The following CNBD1 variants were observed in gnomAD, a reference collection of about 807,000 sequenced individuals.
The protein encoded by CNBD1 is cyclic nucleotide-binding domain-containing protein 1.
CNBD1 carries 71 observed loss-of-function variants against 54.4 expected under a neutral mutation model. The ratio of observed to expected loss-of-function variants is 1.30; its 90% CI spans 1.08 to 1.59. CNBD1 has a LOEUF of 1.59. Among genes scored for constraint, CNBD1 ranks in the 40% most tolerant of loss-of-function variants. The pLI, the probability that CNBD1 is intolerant of heterozygous loss-of-function variation, is 0.00. For synonymous variants in CNBD1, 182 were observed against 170.7 expected, an observed-to-expected ratio of 1.07 and a Z score of -0.51; for missense variants, 659 against 518.0, an observed-to-expected ratio of 1.27 and a Z score of -2.64.
intron 6 of CNBD1, among the ~76,000 whole-genome samples, chr8:87,241,649 G>C (rs1252203075): frequency 1.3e-5 from 2 of 152,084 alleles, no homozygotes; most frequent in Non-Finnish European, 2.9e-5. Flanking sequence ...AATAATTATA[G>C]GTTCACTGCT....
intron 4 of CNBD1, among the ~76,000 whole-genome samples, chr8:87,139,815 G>A (rs6468688): frequency 0.38 from 57,430 of 151,930 alleles, 12,163 homozygotes; most frequent in Non-Finnish European, 0.47. Context: ...GACACTGAAT[G>A]TCAAAGCTTC....
chr8:86,872,168 G>C (rs1808451872), intron 1 of CNBD1, among the ~76,000 whole-genome samples: 1 of 152,088 alleles, frequency 6.6e-6, no homozygotes, highest in East Asian at 1.9e-4. Flanking sequence ...ATGCTGACAG[G>C]AAAAATATTC....
chr8:86,988,345 T>C (rs1177919174), intron 4 of CNBD1, among the ~76,000 whole-genome samples: 1 of 152,066 alleles, frequency 6.6e-6, no homozygotes, highest in Non-Finnish European at 1.5e-5. Context: ...GGATCAGTTA[T>C]AATGTCACTT....
intron 6 of CNBD1, among the ~76,000 whole-genome samples, chr8:87,263,459 G>C (rs1241215023): frequency 6.6e-6 from 1 of 152,110 alleles, no homozygotes; most frequent in Non-Finnish European, 1.5e-5. Context: ...GTTCCTTAAA[G>C]AGGTGACTAA....
chr8:87,002,419 C>A (rs1003404324), intron 4 of CNBD1, among the ~76,000 whole-genome samples: 2 of 152,142 alleles, frequency 1.3e-5, no homozygotes, highest in African/African-American at 4.8e-5. Context: ...AGAGTCCTTT[C>A]GATATCCCAC....
intron 1 of CNBD1, among the ~76,000 whole-genome samples, chr8:86,875,148 G>A (rs912739537): frequency 7.3e-5 from 11 of 151,458 alleles, no homozygotes; most frequent in African/African-American, 2.7e-4. Flanking sequence ...TCTCCTATTA[G>A]CTTTAACATA....
At chr8:86,994,177 TG>T (rs1233149484) in intron 4 of CNBD1, among the ~76,000 whole-genome samples, 7 of 152,214 alleles carry the variant, frequency 4.6e-5, no homozygotes, top group Non-Finnish European at 1.0e-4. Flanking sequence ...GTCACAGCCC[TG>T]GGGCAATGGG....
chr8:86,955,933 A>T (rs1277099206), intron 4 of CNBD1, among the ~76,000 whole-genome samples: 1 of 152,130 alleles, frequency 6.6e-6, no homozygotes, highest in Non-Finnish European at 1.5e-5. Context: ...GGTATTGCCT[A>T]GGTTTTCTTC....
chr8:87,007,201 A>G (rs1809121521), intron 4 of CNBD1, among the ~76,000 whole-genome samples: 1 of 148,608 alleles, frequency 6.7e-6, no homozygotes, highest in Non-Finnish European at 1.5e-5. Context: ...CCATCTCAGA[A>G]AAAAAAAAAA....
intron 4 of CNBD1, among the ~76,000 whole-genome samples, chr8:87,085,121 C>G (rs2130670753): frequency 6.6e-6 from 1 of 152,162 alleles, no homozygotes; most frequent in East Asian, 1.9e-4. Context: ...TTTCTCTTCC[C>G]CTTTTGAGAT....
chr8:87,007,645 A>G (rs766697811), intron 4 of CNBD1, among the ~76,000 whole-genome samples: 1 of 152,170 alleles, frequency 6.6e-6, no homozygotes, highest in Non-Finnish European at 1.5e-5. Context: ...AGCAGATGAA[A>G]TTAAGTCACT....
intron 3 of CNBD1, among the ~76,000 whole-genome samples, chr8:86,914,627 TAAATTA>T (rs1449701986): frequency 2.6e-5 from 4 of 152,284 alleles, no homozygotes; most frequent in African/African-American, 9.6e-5. Flanking sequence ...AAGAAAATGT[TAAATTA>T]AAAGTCAGAT....
At chr8:87,279,600 G>T (rs1266805924) in intron 6 of CNBD1, among the ~76,000 whole-genome samples, 1 of 151,274 alleles carries the variant, frequency 6.6e-6, no homozygotes, top group East Asian at 1.9e-4. Context: ...AGATTTTATT[G>T]CAAGAGCATC....
intron 5 of CNBD1, among the ~76,000 whole-genome samples, chr8:87,236,545 T>C (rs1807587551): frequency 2.0e-5 from 3 of 152,060 alleles, no homozygotes; most frequent in African/African-American, 7.2e-5. Context: ...AAAATGGCAT[T>C]TTGTGTATGG....
rs1473070466 is a variant in CNBD1, at chr8:87,142,042, C to T, written c.432-63951C>T. 5.3e-5 allele frequency among the ~76,000 whole-genome samples: 8 copies of T among 152,100 alleles called. No individual in the cohort carries two copies. In the East Asian group the frequency reaches 5.8e-4, roughly 11 times the overall value. ...TTGGAACATTCACATTCAGTTATTA[C>T]GACACTAGTCTTTCACTTGAATGTG... On this transcript the variant is annotated intron_variant, in intron 4 of 10. Coordinates refer to ENST00000518476, the MANE Select transcript of CNBD1 (RefSeq NM_173538.3).
chr8:87,258,576 C>T (rs1808068634), intron 6 of CNBD1, among the ~76,000 whole-genome samples: 1 of 151,982 alleles, frequency 6.6e-6, no homozygotes, highest in Non-Finnish European at 1.5e-5. Flanking sequence ...CATGAACCAC[C>T]ATGCCAGGCC....
intron 4 of CNBD1, among the ~76,000 whole-genome samples, chr8:87,027,807 A>G (rs963803003): frequency 1.3e-5 from 2 of 152,216 alleles, no homozygotes; most frequent in Non-Finnish European, 2.9e-5. Context: ...CAGTTTACCA[A>G]ATTCTAATTT....
intron 4 of CNBD1, among the ~76,000 whole-genome samples, chr8:87,195,298 G>A (rs1485191845): frequency 2.1e-5 from 3 of 144,840 alleles, no homozygotes; most frequent in African/African-American, 7.8e-5. Context: ...GCACAATCTT[G>A]GCTGTCTGCA....
At chr8:87,080,886 A>G (rs1468691869) in intron 4 of CNBD1, among the ~76,000 whole-genome samples, 1 of 151,936 alleles carries the variant, frequency 6.6e-6, no homozygotes, top group African/African-American at 2.4e-5. Context: ...ATCTGTAGTG[A>G]CTATTTTTTC....
Sources: gnomAD v4.1 joint callset for allele counts (sites outside exome capture counted in the v4.1 genomes callset) on GRCh38, gnomAD v4.1.1 for gene constraint, MANE v1.5 for transcripts, NCBI Gene and HGNC (gene_info 2026-07-23, HGNC 2026-07-21) for gene names.